EMC10: variants seen among roughly 807,000 people sequenced by gnomAD.
EMC10 encodes UPF0510 protein INM02.
In EMC10, 40 loss-of-function variants were observed where a neutral mutation model predicts 32.2. The observed-to-expected ratio is 1.24, with a 90% CI of 0.96 to 1.61. EMC10 has a LOEUF of 1.61. Ranked by LOEUF, EMC10 falls within the 40% of genes most tolerant of loss-of-function variation. The pLI, the probability that EMC10 is intolerant of heterozygous loss-of-function variation, is 0.00. For missense variants in EMC10, 402 were observed against 357.7 expected (o/e 1.12, Z -1.00); for synonymous variants, 178 against 158.4 (o/e 1.12, Z -0.93).
rs1028570884 is a variant in EMC10 at position 50,480,295 on chromosome 19, C to A, written c.402+80C>A. 1.4e-6 allele frequency: 2 copies of A among 1,403,042 alleles called. No individual in the cohort carries two copies. 86.9% of individuals were successfully genotyped at this position (1,403,042 alleles called of 1,614,324 possible). A position where few individuals can be genotyped will look rare whatever the true frequency, so the allele number is the denominator to read the frequency against. ...CCTGGTCCTGCTTCCACCATTCGAA[C>A]CCCTGTGTTTCTGGAGCCCGCAGAG... On this transcript the variant is annotated intron_variant, in intron 4 of 6. Coordinates refer to ENST00000334976, the MANE Select transcript of EMC10 (RefSeq NM_206538.4). The surrounding 1 kb of genome is among the most constrained non-coding windows in gnomAD (Gnocchi z 4.4).
intron 6 of EMC10, chr19:50,481,848 C>G: frequency 6.4e-7 from 1 of 1,559,734 alleles, no homozygotes; most frequent in Non-Finnish European, 8.6e-7. Flanking sequence ...ACCTGCGCTC[C>G]CTCCCTCCCC....
At chr19:50,481,254 C>A in intron 6 of EMC10, 1 of 414,662 alleles carries the variant, frequency 2.4e-6, no homozygotes, top group African/African-American at 2.1e-5. Flanking sequence ...AGGAAGGGAA[C>A]AGTGGAGGTT....
rs1978558938 is a variant in EMC10, at chr19:50,490,074, A to G, written c.*7815A>G. 1 of 133,364 alleles carries G rather than the reference A, an allele frequency of 7.5e-6. No individual in the cohort carries two copies. The highest frequency in any genetic ancestry group is 1.6e-5 in the Non-Finnish European group (1 of 62,356). 8.3% of individuals were successfully genotyped at this position (133,364 alleles called of 1,614,324 possible). A position where few individuals can be genotyped will look rare whatever the true frequency, so the allele number is the denominator to read the frequency against. ...TCATTGCCCTCCCACCCCGCCCCCA[A>G]CCCCATAACTGAAAACAAGTAGGAA... On this transcript the variant is annotated 3_prime_UTR_variant, in exon 7 of 7. Coordinates refer to ENST00000334976, the MANE Select transcript of EMC10 (RefSeq NM_206538.4).
chr19:50,489,542 G>T lies in EMC10; in HGVS notation c.*7283G>T, dbSNP rs1361405439. On this transcript the variant is annotated 3_prime_UTR_variant, in exon 7 of 7. Transcript: ENST00000334976. Reference sequence around the variant, plus strand: ...AGGGCCGGGTAGCTGGGCGGCGGGGGTGTCGTGGGCACAGCCCAGGCTACT... The same window carrying T: ...AGGGCCGGGTAGCTGGGCGGCGGGGTTGTCGTGGGCACAGCCCAGGCTACT... 6.6e-6 allele frequency: 1 copy of T among 152,620 alleles called. No individual in the cohort carries two copies. Among genetic ancestry groups the T allele is most frequent in the Non-Finnish European group, 1.5e-5 (1 of 68,350 alleles). The allele number at this position is 152,620 out of a possible 1,614,324, so 9.5% of individuals were successfully genotyped here. A position where few individuals can be genotyped will look rare whatever the true frequency, so the allele number is the denominator to read the frequency against.
intron 2 of EMC10, among the ~76,000 whole-genome samples, chr19:50,478,613 A>G (rs1454910138): frequency 1.3e-5 from 2 of 152,200 alleles, no homozygotes; most frequent in African/African-American, 4.8e-5. Context: ...TGATTCTGAC[A>G]TGGCCAGGTA....
Position 50,480,033 on chromosome 19 carries a change from C to T in EMC10, c.298-78C>T, listed in dbSNP as rs868157046. The T allele has an allele frequency of 3.2e-5, 39 of 1,212,794 alleles. No individual in the cohort carries two copies. The highest frequency in any genetic ancestry group is 2.2e-4 in the Middle Eastern group (1 of 4,620). The allele number at this position is 1,212,794 out of a possible 1,614,324, so 75.1% of individuals were successfully genotyped here. On this transcript the variant is annotated intron_variant, in intron 3 of 6. Coordinates refer to ENST00000334976, the MANE Select transcript of EMC10 (RefSeq NM_206538.4). The surrounding 1 kb of genome is among the most constrained non-coding windows in gnomAD (Gnocchi z 4.4). Reference sequence around the variant, plus strand: ...GGGTGGGGCTGGAGAGGGGCCTTCGCGGAGGCCTGGTGGGCATCACAGCCT... The same window carrying T: ...GGGTGGGGCTGGAGAGGGGCCTTCGTGGAGGCCTGGTGGGCATCACAGCCT...
rs757880262 is a variant in EMC10 at position 50,480,653 on chromosome 19, G to A, written c.475G>A (p.Val159Met). ...GGATGTGGCCGGCAACGTGGTGGGC[G>A]TGTCGGTGGTGACGCACCCCGGGGG... is the stretch of plus-strand genomic sequence containing the variant. ...HVDVAGNVVG[V>M]SVVTHPGGCR... The change falls in exon 5 of 7, where the codon GTG (valine) becomes ATG (methionine). Residue 159 changes from valine (V) to methionine (M), a missense_variant. By Grantham distance (21) the Val-to-Met change is conservative (BLOSUM62 1). Coordinates refer to ENST00000334976, the MANE Select transcript of EMC10 (RefSeq NM_206538.4). This position sits in a 1 kb window ranked among gnomAD's most constrained non-coding sequence, Gnocchi z 4.4. 4.4e-6 allele frequency: 7 copies of A among 1,592,344 alleles called. No homozygotes were observed. Among genetic ancestry groups the A allele is most frequent in the Middle Eastern group, 1.7e-4 (1 of 6,036 alleles).
Position 50,482,356 on chromosome 19 carries a change from G to T in EMC10, c.*97G>T. On this transcript the variant is annotated 3_prime_UTR_variant, in exon 7 of 7. Coordinates refer to ENST00000334976, the MANE Select transcript of EMC10 (RefSeq NM_206538.4). ...TCAGCCATCCCAAGAAGGGTTTGCT[G>T]GTCCCTCCTTTCCCCCCGTCCCACG... 1.6e-6 allele frequency: 1 copy of T among 637,406 alleles called. No homozygotes were observed. The highest frequency in any genetic ancestry group is 2.8e-6 in the Non-Finnish European group (1 of 359,454). The allele number at this position is 637,406 out of a possible 1,614,324, so 39.5% of individuals were successfully genotyped here.
Position 50,485,575 on chromosome 19 carries a change from A to T in EMC10, c.*3316A>T, listed in dbSNP as rs1389144760. On this transcript the variant is annotated 3_prime_UTR_variant, in exon 7 of 7. Transcript: ENST00000334976. ...CTATGCACCACCATACCTACCCCTAAAGTTCTTCCTGGCCTCATCCCGTCA... is the reference window on the plus strand; with the variant it reads ...CTATGCACCACCATACCTACCCCTATAGTTCTTCCTGGCCTCATCCCGTCA... 2.0e-5 allele frequency: 3 copies of T among 152,712 alleles called. No individual in the cohort carries two copies. The highest frequency in any genetic ancestry group is 4.4e-5 in the Non-Finnish European group (3 of 68,696). The allele number at this position is 152,712 out of a possible 1,614,324, so 9.5% of individuals were successfully genotyped here. A position where few individuals can be genotyped will look rare whatever the true frequency, so the allele number is the denominator to read the frequency against.
Position 50,482,291 on chromosome 19 carries a change from C to T in EMC10, c.*32C>T, listed in dbSNP as rs1208245209. On this transcript the variant is annotated 3_prime_UTR_variant, in exon 7 of 7. Transcript: ENST00000334976. ...AGGCTGGTCAGCGTCCCGTCTTGCA[C>T]ACCCAGGGGCCTCCCTTTCTGCTGG... 6.8e-6 allele frequency: 6 copies of T among 885,588 alleles called. No homozygotes were observed. The Admixed American group carries it at 1.1e-4, about 16-fold the overall frequency. 54.9% of individuals were successfully genotyped at this position (885,588 alleles called of 1,614,324 possible).
chr19:50,486,541 T>C lies in EMC10; in HGVS notation c.*4282T>C, dbSNP rs1000936339. The C allele has an allele frequency of 6.6e-6, 1 of 152,132 alleles. No individual in the cohort carries two copies. The highest frequency in any genetic ancestry group is 1.5e-5 in the Non-Finnish European group (1 of 68,028). 9.4% of individuals were successfully genotyped at this position (152,132 alleles called of 1,614,324 possible). A position where few individuals can be genotyped will look rare whatever the true frequency, so the allele number is the denominator to read the frequency against. ...CTCCCTGGTAAGGATTAGGGGCTAA[T>C]TACTGGTGCCTCTTCAGCTGTCAGT... On this transcript the variant is annotated 3_prime_UTR_variant, in exon 7 of 7. Coordinates refer to ENST00000334976, the MANE Select transcript of EMC10 (RefSeq NM_206538.4).
In EMC10 at chr19:50,482,747, T is replaced by G. The variant is rs2040343135; in HGVS notation, c.*488T>G. On this transcript the variant is annotated 3_prime_UTR_variant, in exon 7 of 7. Transcript: ENST00000334976. ...GGACTAGGATGCAGCCTCCCTTCTG[T>G]GTCCCCTTGAGGGTACCCTGGGTCC... The G allele has an allele frequency of 4.1e-6, 2 of 482,912 alleles. No homozygotes were observed. The highest frequency in any genetic ancestry group is 3.6e-6 in the Non-Finnish European group (1 of 274,788). 29.9% of individuals were successfully genotyped at this position (482,912 alleles called of 1,614,324 possible). A position where few individuals can be genotyped will look rare whatever the true frequency, so the allele number is the denominator to read the frequency against.
In EMC10 at chr19:50,487,454, C is replaced by T. The variant is rs1246398082; in HGVS notation, c.*5195C>T. 6.6e-6 allele frequency: 1 copy of T among 152,512 alleles called. No homozygotes were observed. Among genetic ancestry groups the T allele is most frequent in the Admixed American group, 6.5e-5 (1 of 15,282 alleles). 9.4% of individuals were successfully genotyped at this position (152,512 alleles called of 1,614,324 possible). ...GAGCGTCGTCTTTGTTTCCGCCTTC[C>T]TGGGCCTACGGCAGGCCTGATTCCT... On this transcript the variant is annotated 3_prime_UTR_variant, in exon 7 of 7. Transcript: ENST00000334976.
chr19:50,482,708 C>G lies in EMC10; in HGVS notation c.*449C>G. On this transcript the variant is annotated 3_prime_UTR_variant, in exon 7 of 7. Coordinates refer to ENST00000334976, the MANE Select transcript of EMC10 (RefSeq NM_206538.4). ...CTGTCCAGGCTCCTGCAGCGCCCCC[C>G]TCACTTTGACACTGGACTAGGATGC... The G allele has an allele frequency of 1.0e-5, 5 of 478,374 alleles. No individual in the cohort carries two copies. The highest frequency in any genetic ancestry group is 2.8e-4 in the Middle Eastern group (1 of 3,548). 29.6% of individuals were successfully genotyped at this position (478,374 alleles called of 1,614,324 possible).
In EMC10 at chr19:50,489,695, A is replaced by G. The variant is rs1264070569; in HGVS notation, c.*7436A>G. 1 of 152,562 alleles carries G rather than the reference A, an allele frequency of 6.6e-6. No individual in the cohort carries two copies. The highest frequency in any genetic ancestry group is 1.5e-5 in the Non-Finnish European group (1 of 68,272). 9.5% of individuals were successfully genotyped at this position (152,562 alleles called of 1,614,324 possible). ...CTGTGACCCAGGGAGAGAAAGGACAACGAATGGGACTAGACGAGGATGGGG... is the reference window on the plus strand; with the variant it reads ...CTGTGACCCAGGGAGAGAAAGGACAGCGAATGGGACTAGACGAGGATGGGG... On this transcript the variant is annotated 3_prime_UTR_variant, in exon 7 of 7. Coordinates refer to ENST00000334976, the MANE Select transcript of EMC10 (RefSeq NM_206538.4).
rs542925801 is a variant in EMC10 at position 50,481,598 on chromosome 19, A to C, written c.679-551A>C. The C allele has an allele frequency of 2.4e-5, 12 of 501,428 alleles. No homozygotes were observed. The South Asian group carries it at 3.5e-4, about 15-fold the overall frequency. 31.1% of individuals were successfully genotyped at this position (501,428 alleles called of 1,614,324 possible). On this transcript the variant is annotated intron_variant, in intron 6 of 6. Coordinates refer to ENST00000334976, the MANE Select transcript of EMC10 (RefSeq NM_206538.4). Reference sequence around the variant, plus strand: ...CCCAGGCAGGCCAAGGCCAGCGAAGAGGTCTGTGTGGCCCGAGGCAGGCTA... The same window carrying C: ...CCCAGGCAGGCCAAGGCCAGCGAAGCGGTCTGTGTGGCCCGAGGCAGGCTA...
Position 50,480,844 on chromosome 19 carries a change from C to T in EMC10, c.585-40C>T. Reference sequence around the variant, plus strand: ...GCCTCAGGGTCTCCAGGTCCCTGGACTCCGGGCCTCACCCTTCTCCTCCTC... The same window carrying T: ...GCCTCAGGGTCTCCAGGTCCCTGGATTCCGGGCCTCACCCTTCTCCTCCTC... On this transcript the variant is annotated intron_variant, in intron 5 of 6. Transcript: ENST00000334976. This position sits in a 1 kb window ranked among gnomAD's most constrained non-coding sequence, Gnocchi z 4.4. 6.3e-7 allele frequency: 1 copy of T among 1,575,622 alleles called. No homozygotes were observed. The highest frequency in any genetic ancestry group is 8.6e-7 in the Non-Finnish European group (1 of 1,157,862).
In EMC10 at chr19:50,480,532, A is replaced by G; in HGVS notation, c.403-49A>G. 5 of 1,538,076 alleles carry G rather than the reference A, an allele frequency of 3.3e-6. No homozygotes were observed. The highest frequency in any genetic ancestry group is 4.4e-6 in the Non-Finnish European group (5 of 1,139,394). ...TGGGGGCCGGGGGAGGTTAGGGTGG[A>G]GCCCAGGCAGCAGGCTCCCCACCTC... On this transcript the variant is annotated intron_variant, in intron 4 of 6. Coordinates refer to ENST00000334976, the MANE Select transcript of EMC10 (RefSeq NM_206538.4). The surrounding 1 kb of genome is among the most constrained non-coding windows in gnomAD (Gnocchi z 4.4).
At position 50,480,793 on chromosome 19, in the gene EMC10, G is replaced by T; in HGVS notation, c.584+31G>T. On this transcript the variant is annotated intron_variant, in intron 5 of 6. Coordinates refer to ENST00000334976, the MANE Select transcript of EMC10 (RefSeq NM_206538.4). The surrounding 1 kb of genome is among the most constrained non-coding windows in gnomAD (Gnocchi z 4.4). ...CCTCTGCTGCCTTCGCGGCGCTCTT[G>T]CCACCTGCCCCGGCCCTTCCTGGCG... 6.4e-7 allele frequency: 1 copy of T among 1,570,864 alleles called. No individual in the cohort carries two copies. The highest frequency in any genetic ancestry group is 8.6e-7 in the Non-Finnish European group (1 of 1,156,412).
Sources: gnomAD v4.1 joint callset for allele counts (sites outside exome capture counted in the v4.1 genomes callset) on GRCh38, gnomAD v4.1.1 for gene constraint, Gnocchi (gnomAD v3.1) non-coding constraint, MANE v1.5 for transcripts, NCBI Gene and HGNC (gene_info 2026-07-23, HGNC 2026-07-21) for gene names.